The following DDX1 variants were observed in gnomAD, a reference collection of about 807,000 sequenced individuals.
DDX1 encodes DEAD-box helicase 1, also known as ATP-dependent RNA helicase DDX1.
A neutral mutation model predicts 108.7 loss-of-function variants in DDX1; 28 were observed. The ratio of observed to expected loss-of-function variants is 0.26; its 90% CI spans 0.19 to 0.35. The LOEUF (loss-of-function observed/expected upper bound fraction) is 0.35. Ranked by LOEUF, DDX1 falls within the 10% of genes least tolerant of loss-of-function variation. The pLI, the probability that DDX1 is intolerant of heterozygous loss-of-function variation, is 1.00. For missense variants in DDX1, 710 were observed against 884.5 expected, an observed-to-expected ratio of 0.80 and a Z score of 2.50; for synonymous variants, 295 against 288.9, an observed-to-expected ratio of 1.02 and a Z score of -0.21.
intron 20 of DDX1, 36 bp downstream of exon 20, chr2:15,627,181 A>C (rs1666112914): frequency 8.5e-7 from 1 of 1,183,218 alleles, no homozygotes; most frequent in African/African-American, 1.5e-5. Context: ...CTTAATACTT[A>C]AGAGGGGCAT....
intron 20 of DDX1, among the ~76,000 whole-genome samples, chr2:15,627,899 C>T (rs1053953054): frequency 2.0e-5 from 3 of 152,088 alleles, no homozygotes; most frequent in African/African-American, 7.2e-5. Context: ...AGTCAGTATA[C>T]CCTTCTTCCC....
intron 18 of DDX1, among the ~76,000 whole-genome samples, chr2:15,621,649 C>CT (rs199554758): frequency 0.025 from 3,643 of 146,118 alleles, 141 homozygotes; most frequent in East Asian, 0.22. Context: ...ATCTAAATCA[C>CT]TTTTTTTTTT....
intron 19 of DDX1, among the ~76,000 whole-genome samples, chr2:15,624,947 A>C (rs1666075106): frequency 6.6e-6 from 1 of 152,136 alleles, no homozygotes; most frequent in Non-Finnish European, 1.5e-5. Flanking sequence ...TAGCAATTAA[A>C]CTGCTAGATG....
chr2:15,591,908 G>T lies in DDX1; in HGVS notation c.-26G>T. The stretch of plus-strand genomic sequence containing the variant: ...CAGTCGGGAGGGAGGGAGCGAGCAG[G>T]CGAAGCCGCGGAGGACGGGGTGAAG... On this transcript the variant is annotated 5_prime_UTR_variant, in exon 1 of 26. Transcript: ENST00000233084. 6.8e-7 allele frequency: 1 copy of T among 1,464,676 alleles called. No homozygotes were observed. Among genetic ancestry groups the T allele is most frequent in the Non-Finnish European group, 9.0e-7 (1 of 1,107,782 alleles). The allele number at this position is 1,464,676 out of a possible 1,614,324, so 90.7% of individuals were successfully genotyped here. A position where few individuals can be genotyped will look rare whatever the true frequency, so the allele number is the denominator to read the frequency against.
Position 15,631,041 on chromosome 2 carries a change from C to A in DDX1, c.*135C>A. 1 of 749,482 alleles carries A rather than the reference C, an allele frequency of 1.3e-6. No individual in the cohort carries two copies. 46.4% of individuals were successfully genotyped at this position (749,482 alleles called of 1,614,324 possible). On this transcript the variant is annotated 3_prime_UTR_variant, in exon 26 of 26. Transcript: ENST00000233084. ...ATGCTAACTCTTGCATGTCAAGAAA[C>A]ATTAGTCTTAGGAATTCTTCAAAAA...
intron 14 of DDX1, among the ~76,000 whole-genome samples, chr2:15,616,213 A>G (rs1665891472): frequency 6.6e-6 from 1 of 152,154 alleles, no homozygotes; most frequent in African/African-American, 2.4e-5. Context: ...GCGCCGGCCC[A>G]TATACACACT....
At chr2:15,621,176 A>T in intron 18 of DDX1, 60 bp downstream of exon 18, 1 of 1,191,580 alleles carries the variant, frequency 8.4e-7, no homozygotes, top group Non-Finnish European at 1.2e-6. Context: ...TACCTTACCT[A>T]TTCTCATGAA....
intron 13 of DDX1, among the ~76,000 whole-genome samples, chr2:15,611,777 C>T (rs1258008016): frequency 2.8e-5 from 3 of 107,340 alleles, no homozygotes; most frequent in Non-Finnish European, 5.6e-5. Flanking sequence ...GGTGGCTGGC[C>T]GGGCGGGGGG....
intron 14 of DDX1, 71 bp from the exon 15 acceptor site, chr2:15,617,173 T>G (rs562210039): frequency 7.6e-6 from 5 of 654,560 alleles, no homozygotes; most frequent in Non-Finnish European, 1.3e-5. Flanking sequence ...AAGACAGTTA[T>G]TGGTTGCTAT....
intron 25 of DDX1, among the ~76,000 whole-genome samples, 197 bp from the exon 26 acceptor site, chr2:15,630,579 G>A (rs72780884): frequency 0.021 from 3,221 of 152,278 alleles, 40 homozygotes; most frequent in Admixed American, 0.043. Flanking sequence ...ACAGCTGTTA[G>A]TGAGGCCTAA....
At chr2:15,612,982 C>T (rs535350237) in intron 13 of DDX1, among the ~76,000 whole-genome samples, 40 of 149,216 alleles carry the variant, frequency 2.7e-4, no homozygotes, top group Middle Eastern at 3.5e-3. Flanking sequence ...GGCTCGGTAT[C>T]AGAGGGAGAC....
Position 15,613,222 on chromosome 2 carries a change from A to G in DDX1, c.957-2A>G. The G allele has an allele frequency of 6.3e-7, 1 of 1,585,586 alleles. No homozygotes were observed. The highest frequency in any genetic ancestry group is 8.6e-7 in the Non-Finnish European group (1 of 1,166,746). ...ATATTATCATCTTGATATTTATTTC[A>G]GGGAGCTTCTGATAATTGGAGGTGT... On this transcript the variant is annotated splice_acceptor_variant, in intron 13 of 25. Coordinates refer to ENST00000233084, the MANE Select transcript of DDX1 (RefSeq NM_004939.3). LOFTEE classifies it high-confidence loss of function.
chr2:15,591,915 C>A lies in DDX1; in HGVS notation c.-19C>A, dbSNP rs369821702. 1 of 1,457,012 alleles carries A rather than the reference C, an allele frequency of 6.9e-7. No individual in the cohort carries two copies. 90.3% of individuals were successfully genotyped at this position (1,457,012 alleles called of 1,614,324 possible). A position where few individuals can be genotyped will look rare whatever the true frequency, so the allele number is the denominator to read the frequency against. On this transcript the variant is annotated 5_prime_UTR_variant, in exon 1 of 26. Transcript: ENST00000233084. ...GAGGGAGGGAGCGAGCAGGCGAAGC[C>A]GCGGAGGACGGGGTGAAGATGGCGG... is the stretch of plus-strand genomic sequence containing the variant.
chr2:15,594,928 C>T (rs1301949032), intron 1 of DDX1, among the ~76,000 whole-genome samples: 1 of 152,174 alleles, frequency 6.6e-6, no homozygotes, highest in African/African-American at 2.4e-5. Context: ...AGATTTATAG[C>T]TTTGCCTAAG....
intron 17 of DDX1, 131 bp downstream of exon 17, chr2:15,620,527 T>G (rs1665986036): frequency 1.6e-6 from 1 of 621,952 alleles, no homozygotes; most frequent in African/African-American, 1.9e-5. Context: ...TCGTAAACCC[T>G]TAGACCTTTA....
intron 6 of DDX1, among the ~76,000 whole-genome samples, chr2:15,601,218 G>A (rs150990589): frequency 2.0e-5 from 3 of 152,262 alleles, no homozygotes; most frequent in East Asian, 1.9e-4. Context: ...CAGCATTTAC[G>A]AGTTGAGAAC....
intron 13 of DDX1, among the ~76,000 whole-genome samples, chr2:15,607,994 C>T (rs1665692037): frequency 6.6e-6 from 1 of 152,116 alleles, no homozygotes; most frequent in African/African-American, 2.4e-5. Context: ...ACGGTGGTGG[C>T]TTTCTTCCAT....
At chr2:15,610,928 A>G (rs949046684) in intron 13 of DDX1, among the ~76,000 whole-genome samples, 10 of 148,238 alleles carry the variant, frequency 6.7e-5, no homozygotes, top group South Asian at 4.3e-4. Context: ...GGTGTTTCTC[A>G]CAGAGGGGGA....
rs533326306 is a variant in DDX1 at position 15,605,099 on chromosome 2, T to C, written c.625+590T>C. The stretch of plus-strand genomic sequence containing the variant: ...GCCATATGGGCCATGATCTAAACTT[T>C]GGTTTTTATTTTGAGTGAAATGGAA... On this transcript the variant is annotated intron_variant, in intron 10 of 25. Transcript: ENST00000233084. Among the ~76,000 whole-genome samples the C allele has an allele frequency of 4.6e-5, 7 of 152,324 alleles. No homozygotes were observed. In the East Asian group the frequency reaches 5.8e-4, roughly 13 times the overall value.
Sources: gnomAD v4.1 joint callset for allele counts (sites outside exome capture counted in the v4.1 genomes callset) on GRCh38, gnomAD v4.1.1 for gene constraint, MANE v1.5 for transcripts, NCBI Gene and HGNC (gene_info 2026-07-23, HGNC 2026-07-21) for gene names.